SHLD2: variants seen among roughly 807,000 people sequenced by gnomAD.
SHLD2 encodes RINN1-REV7-interacting novel NHEJ regulator 2.
SHLD2 carries 30 observed loss-of-function variants against 73.2 expected under a neutral mutation model. That is an observed-to-expected ratio of 0.41 (90% CI 0.31 to 0.56). SHLD2 has a LOEUF of 0.56. SHLD2 is among the 20% of genes least tolerant of loss of function. SHLD2 has a pLI of 0.28. For synonymous variants in SHLD2, 285 were observed against 370.1 expected (o/e 0.77, Z 2.64); for missense variants, 745 against 1,055.9 (o/e 0.71, Z 4.08).
intron 2 of SHLD2, among the ~76,000 whole-genome samples, chr10:87,121,139 T>G (rs1843591028): frequency 6.6e-6 from 1 of 152,172 alleles, no homozygotes; most frequent in Non-Finnish European, 1.5e-5. Flanking sequence ...ATTTTTTATT[T>G]TTTGAGACAG....
intron 2 of SHLD2, among the ~76,000 whole-genome samples, chr10:87,128,580 A>G (rs1844204801): frequency 6.6e-6 from 1 of 152,168 alleles, no homozygotes; most frequent in Admixed American, 6.5e-5. Flanking sequence ...TGTTTTTTGA[A>G]AACACTTTAT....
intron 4 of SHLD2, among the ~76,000 whole-genome samples, chr10:87,168,703 A>G (rs1847378989): frequency 6.6e-6 from 1 of 152,202 alleles, no homozygotes; most frequent in Non-Finnish European, 1.5e-5. Flanking sequence ...AATAACATGT[A>G]TTCTCACTTA....
chr10:87,150,722 T>TAGGATGACTA (rs1348487394), intron 2 of SHLD2, among the ~76,000 whole-genome samples: 6 of 149,746 alleles, frequency 4.0e-5, no homozygotes, highest in African/African-American at 1.5e-4. Context: ...ATGGCAACAC[T>TAGGATGACTA]GCAGTCCAGC....
At chr10:87,142,484 ACT>A (rs1845265705) in intron 2 of SHLD2, among the ~76,000 whole-genome samples, 1 of 151,874 alleles carries the variant, frequency 6.6e-6, no homozygotes, top group African/African-American at 2.4e-5. Context: ...CCTTTTGTAA[ACT>A]CTGTTTTCTA....
chr10:87,110,385 G>A (rs1472222865), intron 2 of SHLD2, among the ~76,000 whole-genome samples: 3 of 152,120 alleles, frequency 2.0e-5, no homozygotes, highest in Non-Finnish European at 2.9e-5. Flanking sequence ...CGAGGCGGGC[G>A]GATCACAAGG....
At position 87,190,779 on chromosome 10, in the gene SHLD2, T is replaced by C; in HGVS notation, c.*96T>C. On this transcript the variant is annotated 3_prime_UTR_variant, in exon 10 of 10. Coordinates refer to ENST00000298786, the MANE Select transcript of SHLD2 (RefSeq NM_001330112.2). Reference sequence around the variant, plus strand: ...ATGACAGGGCTTTTGCTTTGGATTTTTTATGAAATATATTTTACAAAGAGA... The same window carrying C: ...ATGACAGGGCTTTTGCTTTGGATTTCTTATGAAATATATTTTACAAAGAGA... The C allele has an allele frequency of 9.9e-7, 1 of 1,011,074 alleles. No individual in the cohort carries two copies. The allele number at this position is 1,011,074 out of a possible 1,614,324, so 62.6% of individuals were successfully genotyped here.
intron 4 of SHLD2, among the ~76,000 whole-genome samples, chr10:87,160,045 T>C (rs1195774597): frequency 6.6e-6 from 1 of 152,122 alleles, no homozygotes; most frequent in African/African-American, 2.4e-5. Context: ...GCAAAAATAA[T>C]ACATAAAGTC....
chr10:87,151,301 C>T, intron 2 of SHLD2, 49 bp from the exon 3 acceptor site: 1 of 1,060,236 alleles, frequency 9.4e-7, no homozygotes, highest in Non-Finnish European at 1.3e-6. Flanking sequence ...TATCCATATG[C>T]AAAAATATGC....
At chr10:87,116,287 A>G (rs1341988579) in intron 2 of SHLD2, among the ~76,000 whole-genome samples, 2 of 151,394 alleles carry the variant, frequency 1.3e-5, no homozygotes, top group Non-Finnish European at 2.9e-5. Context: ...GATAGTAGGT[A>G]GAGGGGCAGG....
chr10:87,162,530 C>T (rs1846889725), intron 4 of SHLD2, among the ~76,000 whole-genome samples: 1 of 152,010 alleles, frequency 6.6e-6, no homozygotes, highest in Admixed American at 6.6e-5. Context: ...CCTGTCTCTA[C>T]AAAAAGTCAA....
At chr10:87,176,534 G>T (rs1288418041) in intron 7 of SHLD2, among the ~76,000 whole-genome samples, 5 of 152,184 alleles carry the variant, frequency 3.3e-5, no homozygotes, top group East Asian at 3.9e-4. Flanking sequence ...ATAAATCTTT[G>T]CAAATATCTG....
intron 3 of SHLD2, among the ~76,000 whole-genome samples, chr10:87,156,626 C>T (rs1372876177): frequency 5.9e-5 from 9 of 152,254 alleles, no homozygotes; most frequent in South Asian, 2.1e-4. Context: ...GAGGCCAGGG[C>T]GGGCTACCCA....
rs544765887 is a variant in SHLD2 at position 87,151,309 on chromosome 10, T to C, written c.-5-41T>C. On this transcript the variant is annotated intron_variant, in intron 2 of 9. Coordinates refer to ENST00000298786, the MANE Select transcript of SHLD2 (RefSeq NM_001330112.2). ...AAGTTAATATCCATATGCAAAAATA[T>C]GCTGACAATATATTAATTTTGGATT... The C allele has an allele frequency of 4.0e-4, 462 of 1,148,884 alleles. 2 individuals carry two copies. In the East Asian group the frequency reaches 0.01, roughly 26 times the overall value. The allele number at this position is 1,148,884 out of a possible 1,614,324, so 71.2% of individuals were successfully genotyped here. A position where few individuals can be genotyped will look rare whatever the true frequency, so the allele number is the denominator to read the frequency against.
At position 87,180,104 on chromosome 10, in the gene SHLD2, G is replaced by A; in HGVS notation, c.2200G>A (p.Glu734Lys). Residue 734 changes from glutamate (E) to lysine (K), a missense_variant, in exon 8 of 10, where the codon GAG (glutamate) becomes AAG (lysine). Physicochemically the swap from Glu to Lys is moderately conservative, Grantham distance 56. Around this residue, in one of 5 missense-constraint regions of SHLD2, gnomAD observed 418 missense variants for 567.8 expected, o/e 0.74. Transcript: ENST00000298786. ...GGTTCTGATTAAAGCCCAGATTTCA[G>A]AGCTGGCATTTCCTATTACAGCATC... ...GVVLIKAQIS[E>K]LAFPITASQK... 6.2e-7 allele frequency: 1 copy of A among 1,613,836 alleles called. No homozygotes were observed. Among genetic ancestry groups the A allele is most frequent in the Non-Finnish European group, 8.5e-7 (1 of 1,179,826 alleles).
chr10:87,115,618 C>T (rs1404709636), intron 2 of SHLD2: 5 of 151,900 alleles, frequency 3.3e-5, no homozygotes, highest in Non-Finnish European at 4.4e-5. Flanking sequence ...TGGGTTAAAA[C>T]GTGAATTGGA....
chr10:87,163,130 C>T (rs1006460855), intron 4 of SHLD2, among the ~76,000 whole-genome samples: 1 of 151,484 alleles, frequency 6.6e-6, no homozygotes. Flanking sequence ...TGCAGCTGTA[C>T]AAAAAGAATG....
intron 2 of SHLD2, among the ~76,000 whole-genome samples, chr10:87,147,838 C>T (rs1227053515): frequency 1.3e-5 from 2 of 151,944 alleles, no homozygotes; most frequent in Non-Finnish European, 2.9e-5. Context: ...AGTTGCTGTC[C>T]CTTCCTTTTA....
At chr10:87,132,576 A>G (rs1844503873) in intron 2 of SHLD2, among the ~76,000 whole-genome samples, 1 of 152,110 alleles carries the variant, frequency 6.6e-6, no homozygotes, top group Admixed American at 6.6e-5. Context: ...GGAGTTTGAG[A>G]CCAGCCAGGG....
chr10:87,127,741 C>T (rs1296287639), intron 2 of SHLD2, among the ~76,000 whole-genome samples: 2 of 151,330 alleles, frequency 1.3e-5, no homozygotes, highest in African/African-American at 4.8e-5. Context: ...GCCAGCGTTG[C>T]TATAAGTGTT....
Sources: gnomAD v4.1 joint callset for allele counts (sites outside exome capture counted in the v4.1 genomes callset) on GRCh38, gnomAD v4.1.1 for gene constraint, gnomAD v4.1.1 regional missense constraint, MANE v1.5 for transcripts, NCBI Gene and HGNC (gene_info 2026-07-23, HGNC 2026-07-21) for gene names.